The following TSPAN9 variants were observed in gnomAD, a reference collection of about 807,000 sequenced individuals.
The protein encoded by TSPAN9 is tetraspanin 9, also known as tetraspanin-9.
Under a neutral mutation model 31.0 loss-of-function variants are expected in TSPAN9, and 16 were observed. The ratio of observed to expected loss-of-function variants is 0.52; its 90% CI spans 0.35 to 0.78. The LOEUF is 0.78. Ranked by LOEUF, TSPAN9 falls within the 30% of genes least tolerant of loss-of-function variation. The pLI, the probability that TSPAN9 is intolerant of heterozygous loss-of-function variation, is 0.01. For missense variants in TSPAN9, 272 were observed against 312.5 expected, an observed-to-expected ratio of 0.87 and a Z score of 0.98; for synonymous variants, 145 against 121.6, an observed-to-expected ratio of 1.19 and a Z score of -1.27.
intron 3 of TSPAN9, among the ~76,000 whole-genome samples, chr12:3,209,847 T>C (rs1316432338): frequency 3.3e-5 from 5 of 150,938 alleles, no homozygotes; most frequent in African/African-American, 1.2e-4. Flanking sequence ...TAGTCCCAGC[T>C]ACTCGGGAGG....
chr12:3,254,504 C>T (rs1239706928), intron 3 of TSPAN9, among the ~76,000 whole-genome samples: 1 of 152,218 alleles, frequency 6.6e-6, no homozygotes, highest in Non-Finnish European at 1.5e-5. Flanking sequence ...CAGCTACATG[C>T]TGGACATTTC....
At chr12:3,190,437 T>G (rs928956601) in intron 2 of TSPAN9, among the ~76,000 whole-genome samples, 55 of 152,366 alleles carry the variant, frequency 3.6e-4, no homozygotes, top group African/African-American at 1.2e-3. Context: ...TCTCCTGTTT[T>G]CCAGGAGCAG....
At chr12:3,123,100 C>T (rs1565583798) in intron 2 of TSPAN9, among the ~76,000 whole-genome samples, 2 of 152,152 alleles carry the variant, frequency 1.3e-5, no homozygotes, top group Non-Finnish European at 2.9e-5. Context: ...TTGGTCTGTC[C>T]AGCTGTTTCC....
intron 2 of TSPAN9, among the ~76,000 whole-genome samples, chr12:3,109,232 G>A (rs148021914): frequency 1.1e-4 from 16 of 150,902 alleles, no homozygotes; most frequent in African/African-American, 3.2e-4. Flanking sequence ...CACCGCTCCT[G>A]GCCAGGAGGA....
In TSPAN9 at chr12:3,172,945, C is replaced by T. The variant is rs555270444; in HGVS notation, c.-17-28232C>T. 6.6e-6 allele frequency: 1 copy of T among 152,454 alleles called. No homozygotes were observed. Among genetic ancestry groups the T allele is most frequent in the Non-Finnish European group, 1.5e-5 (1 of 68,136 alleles). 9.4% of individuals were successfully genotyped at this position (152,454 alleles called of 1,614,324 possible). On this transcript the variant is annotated intron_variant, in intron 2 of 8. Coordinates refer to ENST00000011898, the MANE Select transcript of TSPAN9 (RefSeq NM_006675.5). This position sits in a 1 kb window ranked among gnomAD's most constrained non-coding sequence, Gnocchi z 4.8. ...TCCCACCACCTGACCTTGAAGCGCA[C>T]TCAGAGGTTTCTCTCACTCCACGCC...
chr12:3,196,573 T>G (rs764401264), intron 2 of TSPAN9, among the ~76,000 whole-genome samples: 2 of 152,202 alleles, frequency 1.3e-5, no homozygotes, highest in Non-Finnish European at 2.9e-5. Context: ...TGTGGGAAGC[T>G]GGGTCCCTGG....
chr12:3,281,583 G>C, intron 7 of TSPAN9, 151 bp from the exon 8 acceptor site: 1 of 1,084,996 alleles, frequency 9.2e-7, no homozygotes, highest in African/African-American at 1.6e-5. Context: ...TGGGGCGGAG[G>C]CTGCGCCAAG....
At chr12:3,117,570 G>A (rs1210009045) in intron 2 of TSPAN9, among the ~76,000 whole-genome samples, 2 of 152,102 alleles carry the variant, frequency 1.3e-5, no homozygotes, top group African/African-American at 4.8e-5. Context: ...AACCCACCGT[G>A]GGCCCAGCTC....
intron 3 of TSPAN9, among the ~76,000 whole-genome samples, chr12:3,259,008 G>A (rs923154690): frequency 3.3e-5 from 5 of 152,130 alleles, no homozygotes; most frequent in African/African-American, 4.8e-5. Flanking sequence ...TAGAAATAGA[G>A]TGTGGGTCTG....
At chr12:3,196,115 C>T (rs1018015000) in intron 2 of TSPAN9, among the ~76,000 whole-genome samples, 1 of 152,192 alleles carries the variant, frequency 6.6e-6, no homozygotes, top group Non-Finnish European at 1.5e-5. Flanking sequence ...TTGAACAAAC[C>T]AGCACCAATG....
intron 2 of TSPAN9, among the ~76,000 whole-genome samples, chr12:3,128,217 A>C (rs73254336): frequency 6.6e-6 from 1 of 152,280 alleles, no homozygotes; most frequent in African/African-American, 2.4e-5. Context: ...TTGGGGTGGC[A>C]GACTGAGCCA....
intron 3 of TSPAN9, among the ~76,000 whole-genome samples, chr12:3,207,905 A>G (rs2098376199): frequency 6.6e-6 from 1 of 152,194 alleles, no homozygotes; most frequent in Non-Finnish European, 1.5e-5. Flanking sequence ...TACATGAACA[A>G]AGCCCCTCCT....
intron 2 of TSPAN9, among the ~76,000 whole-genome samples, chr12:3,135,575 G>C (rs1444200000): frequency 1.3e-5 from 2 of 152,186 alleles, no homozygotes; most frequent in Non-Finnish European, 1.5e-5. Context: ...GCAGGGTTGA[G>C]GGGCTGTGGC....
intron 3 of TSPAN9, 142 bp downstream of exon 3, chr12:3,201,398 C>T (rs1266984961): frequency 2.7e-6 from 2 of 753,406 alleles, no homozygotes; most frequent in African/African-American, 3.5e-5. Flanking sequence ...AAAATTGCCC[C>T]CGCCCCCCTT....
chr12:3,101,122 G>A (rs2098311670), intron 2 of TSPAN9, among the ~76,000 whole-genome samples: 1 of 152,158 alleles, frequency 6.6e-6, no homozygotes, highest in African/African-American at 2.4e-5. Context: ...CATAGGAATT[G>A]GATGAAGGAT....
intron 2 of TSPAN9, among the ~76,000 whole-genome samples, chr12:3,177,794 A>G (rs367813805): frequency 4.9e-4 from 75 of 152,346 alleles, no homozygotes; most frequent in African/African-American, 1.8e-3. Context: ...ATGATTTGTA[A>G]TATTCCCAAG....
chr12:3,124,779 C>G (rs538431285), intron 2 of TSPAN9: 1 of 152,028 alleles, frequency 6.6e-6, no homozygotes, highest in Non-Finnish European at 1.5e-5. Context: ...CAAAATAGGC[C>G]AGGTGTGGTG....
chr12:3,243,763 C>A (rs2098397882), intron 3 of TSPAN9, among the ~76,000 whole-genome samples: 1 of 152,188 alleles, frequency 6.6e-6, no homozygotes, highest in African/African-American at 2.4e-5. Flanking sequence ...CATTGATTTT[C>A]TGTCTCCTCT....
At chr12:3,201,636 G>C (rs896345091) in intron 3 of TSPAN9, among the ~76,000 whole-genome samples, 73 of 152,240 alleles carry the variant, frequency 4.8e-4, no homozygotes, top group African/African-American at 1.7e-3. Flanking sequence ...GTTGGAGATA[G>C]GCACAAGTGA....
Sources: allele counts gnomAD v4.1 joint callset (sites outside exome capture counted in the v4.1 genomes callset), GRCh38; gene constraint gnomAD v4.1.1; non-coding constraint Gnocchi (gnomAD v3.1); transcripts MANE v1.5; gene names NCBI Gene and HGNC (gene_info 2026-07-23, HGNC 2026-07-21).